The following PSD3 variants were observed in gnomAD, a reference collection of about 807,000 sequenced individuals.
The protein encoded by PSD3 is pleckstrin and Sec7 domain containing 3, also known as PH and SEC7 domain-containing protein 3.
A neutral mutation model predicts 105.5 loss-of-function variants in PSD3; 49 were observed. The ratio of observed to expected loss-of-function variants is 0.46; its 90% confidence interval spans 0.37 to 0.59. The LOEUF is 0.59. Ranked by LOEUF, PSD3 falls within the 20% of genes least tolerant of loss-of-function variation. The pLI is 0.00. For synonymous variants in PSD3, 557 were observed against 457.8 expected (o/e 1.22, Z -2.77); for missense variants, 1,561 against 1,263.8 (o/e 1.24, Z -3.57).
At chr8:18,983,857 G>A (rs1341374062) in intron 1 of PSD3, among the ~76,000 whole-genome samples, 8 of 151,652 alleles carry the variant, frequency 5.3e-5, no homozygotes, top group Non-Finnish European at 8.8e-5. Context: ...TGTTTTAACC[G>A]GCTGGATATG....
chr8:18,881,585 C>T (rs761490932), intron 2 of PSD3, among the ~76,000 whole-genome samples: 1 of 152,116 alleles, frequency 6.6e-6, no homozygotes, highest in Non-Finnish European at 1.5e-5. Flanking sequence ...CGTTTTCATG[C>T]GGGATTCTCA....
chr8:18,894,947 T>C (rs930391601), intron 2 of PSD3, among the ~76,000 whole-genome samples: 1 of 152,218 alleles, frequency 6.6e-6, no homozygotes, highest in Non-Finnish European at 1.5e-5. Context: ...AGATTTTGGG[T>C]ACTCTGTCCT....
At chr8:18,663,865 A>T (rs943661336) in intron 9 of PSD3, among the ~76,000 whole-genome samples, 1 of 152,130 alleles carries the variant, frequency 6.6e-6, no homozygotes, top group Non-Finnish European at 1.5e-5. Flanking sequence ...TGTCAGTGAC[A>T]TTTTTTTCCA....
At chr8:18,800,285 G>T (rs558013078) in intron 7 of PSD3, among the ~76,000 whole-genome samples, 1 of 152,214 alleles carries the variant, frequency 6.6e-6, no homozygotes, top group South Asian at 2.1e-4. Flanking sequence ...AGGGCTAATG[G>T]TGACAGAGAT....
At chr8:18,753,414 ATGTTG>A (rs1805765751) in intron 9 of PSD3, among the ~76,000 whole-genome samples, 1 of 151,986 alleles carries the variant, frequency 6.6e-6, no homozygotes, top group Non-Finnish European at 1.5e-5. Flanking sequence ...ACAAGATGGT[ATGTTG>A]TGAAGAGGAA....
intron 2 of PSD3, among the ~76,000 whole-genome samples, chr8:18,889,468 G>A (rs1284628168): frequency 1.3e-5 from 2 of 152,090 alleles, no homozygotes; most frequent in Admixed American, 6.6e-5. Flanking sequence ...CCAGGCCCAG[G>A]TCCTGGACAA....
chr8:18,660,379 G>A (rs1395817668), intron 9 of PSD3, among the ~76,000 whole-genome samples: 1 of 152,120 alleles, frequency 6.6e-6, no homozygotes, highest in African/African-American at 2.4e-5. Flanking sequence ...TCTGGCCTCT[G>A]CAATTGTGAG....
intron 8 of PSD3, among the ~76,000 whole-genome samples, chr8:18,784,146 C>T (rs1379807611): frequency 6.6e-6 from 1 of 152,078 alleles, no homozygotes; most frequent in Non-Finnish European, 1.5e-5. Context: ...TTAAAGATTA[C>T]TCTCCTGTCA....
intron 1 of PSD3, among the ~76,000 whole-genome samples, chr8:19,030,994 C>T (rs1171072248): frequency 6.6e-6 from 1 of 152,178 alleles, no homozygotes; most frequent in African/African-American, 2.4e-5. Flanking sequence ...TCCTCCTAGG[C>T]ACAAAGGAAG....
intron 12 of PSD3, among the ~76,000 whole-genome samples, chr8:18,577,198 A>G (rs1167869858): frequency 6.6e-6 from 1 of 151,880 alleles, no homozygotes; most frequent in Non-Finnish European, 1.5e-5. Context: ...GTGCTTCTCA[A>G]ATTTAAGGTA....
intron 1 of PSD3, among the ~76,000 whole-genome samples, chr8:18,968,388 C>G (rs1824418492): frequency 6.6e-6 from 1 of 152,204 alleles, no homozygotes; most frequent in South Asian, 2.1e-4. Context: ...TGTCCTCGTT[C>G]AAATGGTCAC....
intron 1 of PSD3, among the ~76,000 whole-genome samples, chr8:19,051,478 G>A (rs1306273097): frequency 2.6e-5 from 4 of 152,158 alleles, no homozygotes; most frequent in Admixed American, 2.0e-4. Context: ...ACATAGTGCT[G>A]GCACATACTA....
rs536521134 is a variant in PSD3 at position 18,966,926 on chromosome 8, G to C, written c.22-30784C>G. 3.3e-4 allele frequency among the ~76,000 whole-genome samples: 50 copies of C among 152,328 alleles called. No individual in the cohort carries two copies. The South Asian group carries it at 7.9e-3, about 24-fold the overall frequency. Reference sequence around the variant, plus strand: ...CACAAGCAAGGCTTGGGTAGGGGGAGAAGGGATGGTAGGTGCACTTTGCTA... The same window carrying C: ...CACAAGCAAGGCTTGGGTAGGGGGACAAGGGATGGTAGGTGCACTTTGCTA... On this transcript the variant is annotated intron_variant, in intron 1 of 15. Transcript: ENST00000327040.
At chr8:18,725,475 G>T (rs1427685060) in intron 9 of PSD3, among the ~76,000 whole-genome samples, 1 of 152,066 alleles carries the variant, frequency 6.6e-6, no homozygotes. Context: ...CTTCAAGCGG[G>T]CTAGCTTTTG....
At chr8:18,778,550 G>A (rs1161617988) in intron 8 of PSD3, among the ~76,000 whole-genome samples, 1 of 152,080 alleles carries the variant, frequency 6.6e-6, no homozygotes, top group Non-Finnish European at 1.5e-5. Context: ...TAGAAGAAAG[G>A]ATTTCAGTTC....
intron 12 of PSD3, among the ~76,000 whole-genome samples, chr8:18,579,096 C>CCCCACA (rs1554515948): frequency 4.9e-5 from 7 of 143,556 alleles, no homozygotes; most frequent in Admixed American, 4.9e-4. Flanking sequence ...AGCTCCAAGT[C>CCCCACA]CACACACACA....
chr8:18,528,713 C>G lies in PSD3; in HGVS notation c.*7030G>C, dbSNP rs1432473313. ...TCCTTAATCGAGCCTTGGGCTGGGA[C>G]TCTTCTAGGAGCGCCTGAAGACTTA... is the stretch of plus-strand genomic sequence containing the variant. On this transcript the variant is annotated 3_prime_UTR_variant, in exon 16 of 16. Transcript: ENST00000327040. 1 of 152,610 alleles carries G rather than the reference C, an allele frequency of 6.6e-6. No homozygotes were observed. Among genetic ancestry groups the G allele is most frequent in the Non-Finnish European group, 1.5e-5 (1 of 68,052 alleles). 9.5% of individuals were successfully genotyped at this position (152,610 alleles called of 1,614,324 possible).
At chr8:18,785,431 CCT>C (rs1809046113) in intron 8 of PSD3, among the ~76,000 whole-genome samples, 1 of 152,128 alleles carries the variant, frequency 6.6e-6, no homozygotes, top group African/African-American at 2.4e-5. Flanking sequence ...AGCTTCCTCA[CCT>C]CTCTCGACCT....
intron 1 of PSD3, among the ~76,000 whole-genome samples, chr8:19,003,012 C>G (rs1826483501): frequency 6.6e-6 from 1 of 152,046 alleles, no homozygotes; most frequent in African/African-American, 2.4e-5. Flanking sequence ...TGCCTACTTA[C>G]TGTCTTTCCA....
Sources: allele counts gnomAD v4.1 joint callset (sites outside exome capture counted in the v4.1 genomes callset), GRCh38; gene constraint gnomAD v4.1.1; transcripts MANE v1.5; gene names NCBI Gene and HGNC (gene_info 2026-07-23, HGNC 2026-07-21).